The following TCEANC2 variants were observed in gnomAD, a reference collection of about 807,000 sequenced individuals.
The protein encoded by TCEANC2 is transcription elongation factor A N-terminal and central domain containing 2, also known as transcription elongation factor A N-terminal and central domain-containing protein 2.
Under a neutral mutation model 22.8 loss-of-function variants are expected in TCEANC2, and 20 were observed. That is an observed-to-expected ratio of 0.88 (90% confidence interval 0.62 to 1.28). TCEANC2 has a LOEUF of 1.28. Among genes scored for constraint, TCEANC2 ranks in the 50% most tolerant of loss-of-function variants. The pLI is 0.00. For missense variants in TCEANC2, 251 were observed against 249.7 expected, an observed-to-expected ratio of 1.01 and a Z score of -0.03; for synonymous variants, 84 against 95.5, an observed-to-expected ratio of 0.88 and a Z score of 0.70.
At chr1:54,057,285 G>A (rs1657769306) in intron 2 of TCEANC2, among the ~76,000 whole-genome samples, 1 of 135,354 alleles carries the variant, frequency 7.4e-6, no homozygotes, top group South Asian at 2.4e-4. Flanking sequence ...GCAGTGATGT[G>A]ATCATGGGAC....
chr1:54,105,822 T>C lies in TCEANC2; in HGVS notation c.*9349T>C, dbSNP rs571455186. On this transcript the variant is annotated 3_prime_UTR_variant, in exon 5 of 5. Transcript: ENST00000234827. ...TTTTTAGAGAGATTGGGTTTCACCA[T>C]GTTGGCCAGGATGGTCTTGATCTCT... 6 of 152,192 alleles carry C rather than the reference T, an allele frequency of 3.9e-5. No individual in the cohort carries two copies. Among genetic ancestry groups the C allele is most frequent in the African/African-American group, 1.2e-4 (5 of 41,428 alleles). The allele number at this position is 152,192 out of a possible 1,614,324, so 9.4% of individuals were successfully genotyped here. A position where few individuals can be genotyped will look rare whatever the true frequency, so the allele number is the denominator to read the frequency against.
chr1:54,096,720 A>G lies in TCEANC2; in HGVS notation c.*247A>G. On this transcript the variant is annotated 3_prime_UTR_variant, in exon 5 of 5. Transcript: ENST00000234827. This position sits in a 1 kb window ranked among gnomAD's most constrained non-coding sequence, Gnocchi z 4.9. ...ACACTGGCTGTCACTAGGAAGCGCC[A>G]TACGGTTGCTATCACCCAACATGGT... 8.3e-7 allele frequency: 1 copy of G among 1,208,978 alleles called. No homozygotes were observed. Among genetic ancestry groups the G allele is most frequent in the Non-Finnish European group, 1.0e-6 (1 of 960,568 alleles). The allele number at this position is 1,208,978 out of a possible 1,614,324, so 74.9% of individuals were successfully genotyped here.
intron 4 of TCEANC2, among the ~76,000 whole-genome samples, chr1:54,091,168 C>T (rs1475833897): frequency 6.6e-6 from 1 of 150,658 alleles, no homozygotes; most frequent in African/African-American, 2.4e-5. Flanking sequence ...AAAAAAATCA[C>T]TCTGCTTTCC....
intron 4 of TCEANC2, chr1:54,089,930 C>A: frequency 1.3e-6 from 1 of 756,354 alleles, no homozygotes; most frequent in Non-Finnish European, 2.3e-6. Flanking sequence ...CAAGGCAGAG[C>A]CACCGGAAAC....
rs1658605129 is a variant in TCEANC2, at chr1:54,098,875, T to C, written c.*2402T>C. On this transcript the variant is annotated 3_prime_UTR_variant, in exon 5 of 5. Transcript: ENST00000234827. The stretch of plus-strand genomic sequence containing the variant: ...GGAGTAATTAATTGGGTGGTTGAGA[T>C]GCATGCCTGGCAGAGCAAGCAGAGT... 1 of 152,274 alleles carries C rather than the reference T, an allele frequency of 6.6e-6. No individual in the cohort carries two copies. Among genetic ancestry groups the C allele is most frequent in the African/African-American group, 2.4e-5 (1 of 41,456 alleles). The allele number at this position is 152,274 out of a possible 1,614,324, so 9.4% of individuals were successfully genotyped here. A position where few individuals can be genotyped will look rare whatever the true frequency, so the allele number is the denominator to read the frequency against.
At chr1:54,075,457 C>A (rs928556017) in intron 3 of TCEANC2, among the ~76,000 whole-genome samples, 1 of 152,146 alleles carries the variant, frequency 6.6e-6, no homozygotes, top group African/African-American at 2.4e-5. Flanking sequence ...ATGTAATATG[C>A]ATGGCTAGAA....
Position 54,102,734 on chromosome 1 carries a change from G to C in TCEANC2, c.*6261G>C, listed in dbSNP as rs1226346847. The C allele has an allele frequency of 6.6e-6, 1 of 152,184 alleles. No individual in the cohort carries two copies. Among genetic ancestry groups the C allele is most frequent in the Non-Finnish European group, 1.5e-5 (1 of 68,040 alleles). 9.4% of individuals were successfully genotyped at this position (152,184 alleles called of 1,614,324 possible). On this transcript the variant is annotated 3_prime_UTR_variant, in exon 5 of 5. Transcript: ENST00000234827. Reference sequence around the variant, plus strand: ...TTTATAATATCCAGCTGATAGAAGAGAAAAAAAGCCATGCCTTATCCTTAG... The same window carrying C: ...TTTATAATATCCAGCTGATAGAAGACAAAAAAAGCCATGCCTTATCCTTAG...
At chr1:54,085,493 C>A (rs1658323474) in intron 3 of TCEANC2, among the ~76,000 whole-genome samples, 1 of 151,918 alleles carries the variant, frequency 6.6e-6, no homozygotes, top group African/African-American at 2.4e-5. Flanking sequence ...TTTTAAAATT[C>A]CCTATCCATT....
chr1:54,074,073 A>G (rs1335954506), intron 3 of TCEANC2, among the ~76,000 whole-genome samples: 1 of 152,218 alleles, frequency 6.6e-6, no homozygotes, highest in East Asian at 1.9e-4. Flanking sequence ...AGAAATGTCC[A>G]ACAGAATGCT....
At chr1:54,074,513 A>C (rs1322773437) in intron 3 of TCEANC2, among the ~76,000 whole-genome samples, 1 of 152,202 alleles carries the variant, frequency 6.6e-6, no homozygotes, top group Non-Finnish European at 1.5e-5. Context: ...TTTATAAGTT[A>C]AGAAGACCCA....
At chr1:54,072,623 TTGACCTCG>T (rs1311147902) in intron 3 of TCEANC2, among the ~76,000 whole-genome samples, 1 of 152,044 alleles carries the variant, frequency 6.6e-6, no homozygotes, top group Admixed American at 6.6e-5. Context: ...TCTCGATCTC[TTGACCTCG>T]TGATCTGCCT....
At chr1:54,064,817 A>G (rs2100358883) in intron 2 of TCEANC2, among the ~76,000 whole-genome samples, 1 of 149,098 alleles carries the variant, frequency 6.7e-6, no homozygotes, top group South Asian at 2.1e-4. Flanking sequence ...CTTGTGCCTC[A>G]GCCTCCCAAG....
chr1:54,062,023 A>G (rs147303005), intron 2 of TCEANC2, among the ~76,000 whole-genome samples: 2 of 152,332 alleles, frequency 1.3e-5, no homozygotes, highest in East Asian at 1.9e-4. Flanking sequence ...AAAAGGTCCT[A>G]GAGTATACTC....
rs942976390 is a variant in TCEANC2, at chr1:54,099,634, C to T, written c.*3161C>T. The T allele has an allele frequency of 2.0e-5, 3 of 150,926 alleles. No individual in the cohort carries two copies. The highest frequency in any genetic ancestry group is 1.3e-4 in the Admixed American group (2 of 15,142). The allele number at this position is 150,926 out of a possible 1,614,324, so 9.3% of individuals were successfully genotyped here. On this transcript the variant is annotated 3_prime_UTR_variant, in exon 5 of 5. Transcript: ENST00000234827. ...TGGCAGGCGCCTGTAATCCCAGCTA[C>T]TTGGAAGGCTGAGGTATGAGAATCG...
chr1:54,095,157 A>G (rs1448946741), intron 4 of TCEANC2, among the ~76,000 whole-genome samples: 1 of 152,158 alleles, frequency 6.6e-6, no homozygotes, highest in Non-Finnish European at 1.5e-5. Flanking sequence ...AAATAAAAGT[A>G]TATACTTCAT....
chr1:54,083,773 A>G (rs549629221), intron 3 of TCEANC2, among the ~76,000 whole-genome samples: 1 of 152,362 alleles, frequency 6.6e-6, no homozygotes, highest in South Asian at 2.1e-4. Flanking sequence ...GCTGAACTGC[A>G]TGGATACACA....
chr1:54,066,450 C>G (rs1324956734), intron 2 of TCEANC2, among the ~76,000 whole-genome samples: 1 of 152,100 alleles, frequency 6.6e-6, no homozygotes, highest in Admixed American at 6.5e-5. Context: ...AAAGCAGCCA[C>G]AGGCTATGTA....
At chr1:54,069,092 A>G (rs889322013) in intron 3 of TCEANC2, among the ~76,000 whole-genome samples, 195 bp downstream of exon 3, 16 of 152,202 alleles carry the variant, frequency 1.1e-4, no homozygotes, top group African/African-American at 3.9e-4. Flanking sequence ...AAATTATCAG[A>G]AAAATGAAAT....
chr1:54,080,345 T>C (rs1254886976), intron 3 of TCEANC2, among the ~76,000 whole-genome samples: 2 of 152,146 alleles, frequency 1.3e-5, no homozygotes, highest in Non-Finnish European at 2.9e-5. Flanking sequence ...GGTTTCACCA[T>C]GTTGACCAGG....
Sources: allele counts gnomAD v4.1 joint callset (sites outside exome capture counted in the v4.1 genomes callset), GRCh38; gene constraint gnomAD v4.1.1; non-coding constraint Gnocchi (gnomAD v3.1); transcripts MANE v1.5; gene names NCBI Gene and HGNC (gene_info 2026-07-23, HGNC 2026-07-21).